The following DRC8 variants were observed in gnomAD, a reference collection of about 807,000 sequenced individuals.
DRC8 encodes the protein dynein regulatory complex protein 8.
the DRC8 span, among the ~76,000 whole-genome samples, chr1:245,022,554 C>A: frequency 3.3e-5 from 5 of 152,070 alleles, no homozygotes; most frequent in African/African-American, 7.2e-5. Flanking sequence ...GATATATGTA[C>A]ATGGGATAAA....
the DRC8 span, among the ~76,000 whole-genome samples, chr1:245,116,357 C>T: frequency 6.6e-6 from 1 of 152,142 alleles, no homozygotes; most frequent in Admixed American, 6.5e-5. Context: ...CACTGCACTC[C>T]AGCCTGGGCA....
chr1:245,105,566 T>A, the DRC8 span, among the ~76,000 whole-genome samples: 2 of 140,970 alleles, frequency 1.4e-5, no homozygotes, highest in African/African-American at 2.6e-5. Context: ...GCGGTTGCAG[T>A]GAGCCATGAT....
At chr1:245,043,652 T>G in the DRC8 span, among the ~76,000 whole-genome samples, 1 of 152,166 alleles carries the variant, frequency 6.6e-6, no homozygotes, top group African/African-American at 2.4e-5. Flanking sequence ...TTCTGTTTTG[T>G]GTACATGGTA....
the DRC8 span, among the ~76,000 whole-genome samples, chr1:245,047,437 C>T: frequency 6.6e-6 from 1 of 151,938 alleles, no homozygotes; most frequent in Admixed American, 6.6e-5. Context: ...GAGTTCAAGA[C>T]CAGCCTGGCC....
At chr1:245,025,273 T>C in the DRC8 span, among the ~76,000 whole-genome samples, 1 of 152,220 alleles carries the variant, frequency 6.6e-6, no homozygotes, top group Non-Finnish European at 1.5e-5. Flanking sequence ...CTAATCTTAT[T>C]CACAAACAAA....
the DRC8 span, among the ~76,000 whole-genome samples, chr1:245,023,569 T>G: frequency 1.2e-4 from 19 of 152,224 alleles, no homozygotes; most frequent in Admixed American, 3.3e-4. Flanking sequence ...GAGGGGGGTG[T>G]TGTTGTTATT....
chr1:244,970,663 TCCCCC>T, the DRC8 span: 1 of 35,358 alleles, frequency 2.8e-5, no homozygotes, highest in Admixed American at 4.8e-4. Context: ...CCCGCCTCTC[TCCCCC>T]GCCCCGCCCC....
chr1:245,006,612 G>A, the DRC8 span, among the ~76,000 whole-genome samples: 3 of 152,118 alleles, frequency 2.0e-5, no homozygotes, highest in Non-Finnish European at 4.4e-5. Flanking sequence ...AATGGAAATG[G>A]AAGGGAAAGA....
the DRC8 span, among the ~76,000 whole-genome samples, chr1:245,022,603 C>A: frequency 2.0e-5 from 3 of 152,208 alleles, no homozygotes; most frequent in Admixed American, 6.5e-5. Context: ...ATAAATAAAT[C>A]TCTTTTTTAC....
the DRC8 span, among the ~76,000 whole-genome samples, chr1:245,120,220 C>T: frequency 6.6e-6 from 1 of 152,156 alleles, no homozygotes; most frequent in African/African-American, 2.4e-5. Flanking sequence ...CCCCTGAGTG[C>T]ACCGATTCCA....
the DRC8 span, among the ~76,000 whole-genome samples, chr1:245,113,864 A>C: frequency 6.6e-6 from 1 of 151,986 alleles, no homozygotes; most frequent in African/African-American, 2.4e-5. Flanking sequence ...GATTAAGGGC[A>C]TGGTACTAGC....
chr1:244,984,557 A>G, the DRC8 span, among the ~76,000 whole-genome samples: 2 of 152,114 alleles, frequency 1.3e-5, no homozygotes, highest in South Asian at 2.1e-4. Flanking sequence ...AAAATAGGCT[A>G]TGTGTGGTGG....
the DRC8 span, chr1:245,082,219 T>G: frequency 6.8e-7 from 1 of 1,471,242 alleles, no homozygotes; most frequent in Non-Finnish European, 9.5e-7. Context: ...ATGAATCCAT[T>G]CATTTCAGGA....
the DRC8 span, among the ~76,000 whole-genome samples, chr1:245,053,669 C>A: frequency 6.6e-6 from 1 of 152,146 alleles, no homozygotes; most frequent in African/African-American, 2.4e-5. Context: ...TATCATCAGG[C>A]CTTTGTGATT....
the DRC8 span, among the ~76,000 whole-genome samples, chr1:245,060,359 A>G: frequency 6.6e-6 from 1 of 152,214 alleles, no homozygotes; most frequent in East Asian, 1.9e-4. Flanking sequence ...TTTGAATCCT[A>G]AAGCATTATG....
At chr1:244,973,469 A>G in the DRC8 span, among the ~76,000 whole-genome samples, 1 of 152,332 alleles carries the variant, frequency 6.6e-6, no homozygotes, top group Admixed American at 6.5e-5. Context: ...GAACATTTGA[A>G]TTAATCAAAG....
the DRC8 span, among the ~76,000 whole-genome samples, chr1:245,081,826 C>A: frequency 2.6e-5 from 4 of 152,202 alleles, no homozygotes; most frequent in South Asian, 2.1e-4. Flanking sequence ...ACTGTACTTA[C>A]ATCAGTTCAC....
At chr1:245,003,908 G>GT in the DRC8 span, among the ~76,000 whole-genome samples, 1 of 151,986 alleles carries the variant, frequency 6.6e-6, no homozygotes, top group East Asian at 1.9e-4. Flanking sequence ...GTTTTGTTTT[G>GT]TTTTTAGAGG....
chr1:244,977,380 T>A, the DRC8 span, among the ~76,000 whole-genome samples: 1 of 152,206 alleles, frequency 6.6e-6, no homozygotes, highest in Non-Finnish European at 1.5e-5. Flanking sequence ...TTTGGAAATT[T>A]GTATTGAAGA....
Sources: gnomAD v4.1 joint callset for allele counts (sites outside exome capture counted in the v4.1 genomes callset) on GRCh38, gnomAD v4.1.1 for gene constraint, MANE v1.5 for transcripts, NCBI Gene and HGNC (gene_info 2026-07-23, HGNC 2026-07-21) for gene names.